The following MYH15 variants were observed in gnomAD, a reference collection of about 807,000 sequenced individuals.
MYH15 encodes myosin-15.
A neutral mutation model predicts 240.5 loss-of-function variants in MYH15; 227 were observed. The ratio of observed to expected loss-of-function variants is 0.94; its 90% CI spans 0.85 to 1.05. MYH15 has a LOEUF of 1.05. MYH15 is among the 50% of genes least tolerant of loss of function. MYH15 has a pLI of 0.00. For missense variants in MYH15, 2,217 were observed against 2,247.5 expected (o/e 0.99, Z 0.27); for synonymous variants, 785 against 796.7 (o/e 0.99, Z 0.25).
intron 33 of MYH15, among the ~76,000 whole-genome samples, chr3:108,402,501 G>A (rs1358395895): frequency 6.6e-6 from 1 of 152,208 alleles, no homozygotes; most frequent in Non-Finnish European, 1.5e-5. Flanking sequence ...CAACTACAGT[G>A]TTAAGTAGTT....
chr3:108,403,655 T>G (rs77361723), intron 33 of MYH15, among the ~76,000 whole-genome samples: 19,124 of 152,216 alleles, frequency 0.13, 1,544 homozygotes, highest in Non-Finnish European at 0.18. Context: ...TTTTGTAAGA[T>G]AAGCTCATCT....
At chr3:108,444,968 T>C (rs895308220) in intron 21 of MYH15, 73 bp from the exon 22 acceptor site, 3 of 1,458,196 alleles carry the variant, frequency 2.1e-6, no homozygotes, top group African/African-American at 2.9e-5. Flanking sequence ...ATTAAGATCC[T>C]CAATAAACAC....
upstream of MYH15, among the ~76,000 whole-genome samples, chr3:108,512,096 A>G (rs2083526019): frequency 6.6e-6 from 1 of 152,218 alleles, no homozygotes; most frequent in South Asian, 2.1e-4. Context: ...GAGAAACAAC[A>G]TAAATGATGG....
At chr3:108,449,534 T>C (rs920151452) in intron 21 of MYH15, among the ~76,000 whole-genome samples, 1 of 152,026 alleles carries the variant, frequency 6.6e-6, no homozygotes, top group Non-Finnish European at 1.5e-5. Context: ...GATATCCACA[T>C]GCAGAAGACT....
At position 108,381,455 on chromosome 3, in the gene MYH15, A is replaced by T; in HGVS notation, c.*90T>A. The T allele has an allele frequency of 2.1e-6, 3 of 1,422,830 alleles. No homozygotes were observed. Among genetic ancestry groups the T allele is most frequent in the East Asian group, 2.3e-5 (1 of 43,874 alleles). The allele number at this position is 1,422,830 out of a possible 1,614,324, so 88.1% of individuals were successfully genotyped here. On this transcript the variant is annotated 3_prime_UTR_variant, in exon 41 of 41. Coordinates refer to ENST00000693548, the MANE Select transcript of MYH15 (RefSeq NM_014981.3). ...TGAAAAGCAATTTAAACATGTTTTT[A>T]AAAATGTTTCCATGCAACCTAAGTT... is the stretch of plus-strand genomic sequence containing the variant.
At chr3:108,517,621 C>T (rs1266049011) in intron 1 of MYH15, among the ~76,000 whole-genome samples, 4 of 151,868 alleles carry the variant, frequency 2.6e-5, no homozygotes, top group Non-Finnish European at 5.9e-5. Flanking sequence ...GTACCCACCA[C>T]CATGCATGGC....
In MYH15 at chr3:108,436,448, A is replaced by G. The variant is rs1345178810; in HGVS notation, c.3221+1106T>C. On this transcript the variant is annotated intron_variant, in intron 25 of 40. Coordinates refer to ENST00000693548, the MANE Select transcript of MYH15 (RefSeq NM_014981.3). ...CAAGAGCATGTATAATAGCATATGTATATACCAACAAGAAAGCCAGATGCT... is the reference window on the plus strand; with the variant it reads ...CAAGAGCATGTATAATAGCATATGTGTATACCAACAAGAAAGCCAGATGCT... Among the ~76,000 whole-genome samples, 5 of 152,366 alleles carry G rather than the reference A, an allele frequency of 3.3e-5. No individual in the cohort carries two copies. The East Asian group carries it at 7.7e-4, about 23-fold the overall frequency.
the MYH15 span, among the ~76,000 whole-genome samples, chr3:108,549,317 C>T: frequency 1.3e-5 from 2 of 150,722 alleles, no homozygotes; most frequent in Non-Finnish European, 3.0e-5. Context: ...AAAAAAGTAA[C>T]TGATATAGTA....
upstream of MYH15, among the ~76,000 whole-genome samples, chr3:108,530,013 C>A (rs757403486): frequency 2.0e-5 from 3 of 152,100 alleles, no homozygotes; most frequent in Non-Finnish European, 2.9e-5. Context: ...AAGGACCACC[C>A]AAATAAATTA....
upstream of MYH15, among the ~76,000 whole-genome samples, chr3:108,533,118 CTTTTT>C (rs10561890): frequency 5.1e-5 from 5 of 97,682 alleles, no homozygotes; most frequent in African/African-American, 1.5e-4. Flanking sequence ...ACAATAAAAG[CTTTTT>C]TTTTTTTTTT....
intron 26 of MYH15, among the ~76,000 whole-genome samples, 180 bp from the exon 27 acceptor site, chr3:108,429,061 T>G (rs2082753446): frequency 6.6e-6 from 1 of 152,162 alleles, no homozygotes; most frequent in Non-Finnish European, 1.5e-5. Context: ...AATTAGAATT[T>G]GCAGTTCTGC....
chr3:108,382,179 G>A (rs895940743), intron 40 of MYH15, among the ~76,000 whole-genome samples: 1 of 152,072 alleles, frequency 6.6e-6, no homozygotes, highest in African/African-American at 2.4e-5. Flanking sequence ...GTTGCTGGTG[G>A]GCTCTGCAGA....
chr3:108,460,186 A>G (rs1386367354), intron 17 of MYH15, 114 bp downstream of exon 17: 1 of 942,028 alleles, frequency 1.1e-6, no homozygotes, highest in Admixed American at 3.1e-5. Context: ...AACTTTTCCA[A>G]CTTGCTAGCT....
rs72262588 is a variant in MYH15 at position 108,435,693 on chromosome 3, C to CATAT, written c.3221+1857_3221+1860dup. ...CCACTGTGTATGTATATTTTATATA[C>CATAT]ATATATATATATATATATGTATGTA... On this transcript the variant is annotated intron_variant, in intron 25 of 40. Coordinates refer to ENST00000693548, the MANE Select transcript of MYH15 (RefSeq NM_014981.3). 2.6e-4 allele frequency among the ~76,000 whole-genome samples: 37 copies of CATAT among 143,534 alleles called. 1 individual carries two copies. Among genetic ancestry groups the CATAT allele is most frequent in the East Asian group, 2.2e-3 (11 of 5,000 alleles). 94.2% of individuals were successfully genotyped at this position (143,534 alleles called of 152,430 possible). A position where few individuals can be genotyped will look rare whatever the true frequency, so the allele number is the denominator to read the frequency against.
Position 108,444,811 on chromosome 3 carries a change from G to C in MYH15, c.2484C>G (p.Ile828Met). 6.2e-7 allele frequency: 1 copy of C among 1,614,024 alleles called. No individual in the cohort carries two copies. Among genetic ancestry groups the C allele is most frequent in the Non-Finnish European group, 8.5e-7 (1 of 1,179,982 alleles). ...CTTCTGAAGATTTAACAAGAGGCTTGATCTTGAAGAAGAGCCTCATCCAGG... is the reference window on the plus strand; with the variant it reads ...CTTCTGAAGATTTAACAAGAGGCTTCATCTTGAAGAAGAGCCTCATCCAGG... Reference protein sequence around the residue: ...NWPWMRLFFKIKPLVKSSEVG... With the variant: ...NWPWMRLFFKMKPLVKSSEVG... Residue 828 changes from isoleucine to methionine, a missense_variant, in exon 22 of 41, where the codon ATC becomes ATG. Transcript: ENST00000693548.
At chr3:108,384,408 G>A (rs962601639) in intron 39 of MYH15, among the ~76,000 whole-genome samples, 6 of 152,128 alleles carry the variant, frequency 3.9e-5, no homozygotes, top group South Asian at 2.1e-4. Context: ...CCTTCCCTAC[G>A]TGACACTCTG....
At chr3:108,406,605 A>C (rs958534236) in intron 32 of MYH15, among the ~76,000 whole-genome samples, 2 of 152,218 alleles carry the variant, frequency 1.3e-5, no homozygotes, top group African/African-American at 4.8e-5. Flanking sequence ...GACCTGGGAT[A>C]ATGTGAGTTT....
chr3:108,482,680 G>A (rs186367930), intron 11 of MYH15, among the ~76,000 whole-genome samples: 321 of 152,162 alleles, frequency 2.1e-3, no homozygotes, highest in Non-Finnish European at 2.7e-3. Context: ...TCTTCTCTGA[G>A]GGACTGACTT....
At chr3:108,470,606 C>G in intron 13 of MYH15, 92 bp downstream of exon 13, 1 of 1,368,938 alleles carries the variant, frequency 7.3e-7, no homozygotes, top group Non-Finnish European at 1.0e-6. Flanking sequence ...AGAATGATCC[C>G]CATGCTTTGA....
Sources: allele counts gnomAD v4.1 joint callset (sites outside exome capture counted in the v4.1 genomes callset), GRCh38; gene constraint gnomAD v4.1.1; transcripts MANE v1.5; gene names NCBI Gene and HGNC (gene_info 2026-07-23, HGNC 2026-07-21).